CLIC2: variants seen among roughly 807,000 people sequenced by gnomAD.
The protein encoded by CLIC2 is CLIC family member 2.
CLIC2 carries 9 observed loss-of-function variants against 14.8 expected under a neutral mutation model. The observed-to-expected ratio is 0.61, with a 90% CI of 0.37 to 1.06. The LOEUF is 1.06. Among genes scored for constraint, CLIC2 ranks in the 50% least tolerant of loss-of-function variants. The pLI is 0.01. For missense variants in CLIC2, 148 were observed against 181.4 expected (o/e 0.82, Z 1.06); for synonymous variants, 61 against 66.3 (o/e 0.92, Z 0.39).
intron 1 of CLIC2, among the ~76,000 whole-genome samples, chrX:155,304,957 G>A (rs1427769747): frequency 9.3e-5 from 10 of 107,255 alleles, no homozygotes; most frequent in South Asian, 4.3e-4. Context: ...CCAGCTGCGT[G>A]CTGGGAGAAC....
rs954841041 is a variant in CLIC2, at chrX:155,279,080, G to A, written c.582+69C>T. ...TAATATAATAATACCGCACTGGAAG[G>A]TCACTATGCTTTGTGCTGGCAACTG... On this transcript the variant is annotated intron_variant, in intron 5 of 5. Coordinates refer to ENST00000369449, the MANE Select transcript of CLIC2 (RefSeq NM_001289.6). 12 of 857,011 alleles carry A rather than the reference G, an allele frequency of 1.4e-5. No individual in the cohort carries two copies. In the African/African-American group the frequency reaches 1.6e-4, roughly 11 times the overall value. The allele number at this position is 857,011 out of a possible 1,213,427, so 70.6% of individuals were successfully genotyped here.
chrX:155,326,720 A>T (rs1354574505), intron 1 of CLIC2, among the ~76,000 whole-genome samples: 3 of 111,809 alleles, frequency 2.7e-5, no homozygotes, highest in Non-Finnish European at 5.7e-5. Context: ...AAACTGTGGC[A>T]TATCAGTATC....
chrX:155,293,418 T>G (rs1315540226), intron 3 of CLIC2: 1 of 728,994 alleles, frequency 1.4e-6, no homozygotes, highest in Non-Finnish European at 2.2e-6. Flanking sequence ...GTGGCCATCC[T>G]TCTTGCCTGG....
At chrX:155,301,252 C>G (rs1207994348) in intron 1 of CLIC2, among the ~76,000 whole-genome samples, 3 of 104,306 alleles carry the variant, frequency 2.9e-5, no homozygotes, top group Non-Finnish European at 5.9e-5. Flanking sequence ...CTTTTATTTC[C>G]TTGAGCAGTG....
intron 1 of CLIC2, among the ~76,000 whole-genome samples, chrX:155,308,993 A>C (rs2075065039): frequency 8.9e-6 from 1 of 112,289 alleles, no homozygotes; most frequent in African/African-American, 3.2e-5. Flanking sequence ...AGAAAAACAC[A>C]GAATATTATA....
rs781862120 is a variant in CLIC2, at chrX:155,276,774, C to T, written c.*1129G>A. The T allele has an allele frequency of 3.6e-5, 4 of 112,282 alleles. No homozygotes were observed. In the East Asian group the frequency reaches 1.1e-3, roughly 31 times the overall value. 9.3% of individuals were successfully genotyped at this position (112,282 alleles called of 1,213,427 possible). ...TGACAGGATGTATCTCAAAGATTAT[C>T]AACATGATTGCATTTCTCTGCCACC... On this transcript the variant is annotated 3_prime_UTR_variant, in exon 6 of 6. Coordinates refer to ENST00000369449, the MANE Select transcript of CLIC2 (RefSeq NM_001289.6).
chrX:155,314,721 G>T (rs782089570), intron 1 of CLIC2, among the ~76,000 whole-genome samples: 5 of 111,710 alleles, frequency 4.5e-5, no homozygotes, highest in Non-Finnish European at 9.4e-5. Context: ...TCCAAACCAA[G>T]ATAAAATACC....
At chrX:155,333,737 A>G (rs1442649489) in intron 1 of CLIC2, among the ~76,000 whole-genome samples, 1 of 109,668 alleles carries the variant, frequency 9.1e-6, no homozygotes, top group Non-Finnish European at 1.9e-5. Flanking sequence ...GTTAAAAAAA[A>G]AAAAAAACAA....
chrX:155,284,814 C>CTGCAATATA (rs1557316930), intron 3 of CLIC2, among the ~76,000 whole-genome samples: 2 of 111,964 alleles, frequency 1.8e-5, no homozygotes, highest in East Asian at 5.6e-4. Flanking sequence ...CCTCTGGTAC[C>CTGCAATATA]AGTAACCTGC....
rs782627468 is a variant in CLIC2, at chrX:155,305,373, A to G, written c.58-6228T>C. On this transcript the variant is annotated intron_variant, in intron 1 of 5. Coordinates refer to ENST00000369449, the MANE Select transcript of CLIC2 (RefSeq NM_001289.6). ...CTGTCACCCCTTTCTTTGACTCAGA[A>G]AGGGAACTCCCTGACCCCTTGCTCT... Among the ~76,000 whole-genome samples the G allele has an allele frequency of 4.5e-4, 50 of 112,350 alleles. 2 individuals carry two copies. Among genetic ancestry groups the G allele is most frequent in the African/African-American group, 1.6e-3 (49 of 30,986 alleles).
chrX:155,327,280 A>T (rs1225949469), intron 1 of CLIC2, among the ~76,000 whole-genome samples: 7 of 111,598 alleles, frequency 6.3e-5, no homozygotes, highest in African/African-American at 2.3e-4. Context: ...AAAACAATGT[A>T]TTAAAAGTAA....
chrX:155,307,570 A>G (rs1347847399), intron 1 of CLIC2, among the ~76,000 whole-genome samples: 2 of 112,111 alleles, frequency 1.8e-5, no homozygotes, highest in Non-Finnish European at 3.8e-5. Context: ...CAACTCAACA[A>G]CTAACTACCC....
At chrX:155,317,701 C>A (rs910683826) in intron 1 of CLIC2, among the ~76,000 whole-genome samples, 25 of 111,720 alleles carry the variant, frequency 2.2e-4, no homozygotes, top group Admixed American at 9.5e-5. Context: ...ATCTCTAAAT[C>A]ATTCCAGGAG....
chrX:155,300,519 T>C (rs112227541), intron 1 of CLIC2, among the ~76,000 whole-genome samples: 3 of 111,311 alleles, frequency 2.7e-5, no homozygotes, highest in Non-Finnish European at 5.7e-5. Flanking sequence ...TTCTCCCATT[T>C]TGTAGGTTGC....
At chrX:155,322,542 A>G (rs1219872933) in intron 1 of CLIC2, among the ~76,000 whole-genome samples, 2 of 112,382 alleles carry the variant, frequency 1.8e-5, no homozygotes, top group African/African-American at 6.4e-5. Context: ...TCTCTGGGAC[A>G]TAACTAAAGC....
intron 1 of CLIC2, among the ~76,000 whole-genome samples, chrX:155,323,219 C>T (rs1191349272): frequency 9.0e-6 from 1 of 111,621 alleles, no homozygotes; most frequent in Non-Finnish European, 1.9e-5. Context: ...CTGTCAGAGA[C>T]ACACACACAA....
At chrX:155,285,718 G>A (rs181768960) in intron 3 of CLIC2, among the ~76,000 whole-genome samples, 1 of 111,804 alleles carries the variant, frequency 8.9e-6, no homozygotes, top group Admixed American at 9.4e-5. Context: ...TTGAAGGATG[G>A]CAGAGAAGAA....
chrX:155,321,703 C>A (rs1557321667), intron 1 of CLIC2, among the ~76,000 whole-genome samples: 1 of 111,815 alleles, frequency 8.9e-6, no homozygotes, highest in Non-Finnish European at 1.9e-5. Context: ...CAAATTCACA[C>A]ATAACAATAT....
intron 1 of CLIC2, among the ~76,000 whole-genome samples, chrX:155,320,552 C>T (rs1202833410): frequency 5.4e-5 from 6 of 111,619 alleles, no homozygotes; most frequent in Admixed American, 9.5e-5. Flanking sequence ...GGTCACCATC[C>T]GAAGGTCACC....
Sources: gnomAD v4.1 joint callset for allele counts (sites outside exome capture counted in the v4.1 genomes callset) on GRCh38, gnomAD v4.1.1 for gene constraint, MANE v1.5 for transcripts, NCBI Gene and HGNC (gene_info 2026-07-23, HGNC 2026-07-21) for gene names.